Variants in DRC11 observed in about 807,000 individuals in gnomAD.
DRC11 encodes IQ and AAA domain-containing protein 1.
At chr2:236,497,417 T>A in the DRC11 span, 1 of 1,613,858 alleles carries the variant, frequency 6.2e-7, no homozygotes, top group Non-Finnish European at 8.5e-7. The surrounding 1 kb of genome is among the most constrained non-coding windows in gnomAD (Gnocchi z 5.1). Context: ...GGTTCAATCA[T>A]CTTCTGAGGC....
At chr2:236,387,055 T>C in the DRC11 span, among the ~76,000 whole-genome samples, 14 of 152,058 alleles carry the variant, frequency 9.2e-5, no homozygotes, top group East Asian at 5.8e-4. Flanking sequence ...TGTTCTTTTA[T>C]GTTCGCTGAG....
the DRC11 span, among the ~76,000 whole-genome samples, chr2:236,366,529 C>T: frequency 6.6e-6 from 1 of 152,216 alleles, no homozygotes; most frequent in Non-Finnish European, 1.5e-5. Flanking sequence ...AGAACAAATG[C>T]CCCAGCCAGC....
the DRC11 span, among the ~76,000 whole-genome samples, chr2:236,315,719 T>C: frequency 2.6e-4 from 39 of 152,272 alleles, no homozygotes; most frequent in African/African-American, 8.9e-4. This position sits in a 1 kb window ranked among gnomAD's most constrained non-coding sequence, Gnocchi z 5.1. Flanking sequence ...TGGATGAAGC[T>C]GGAAGCCATT....
the DRC11 span, among the ~76,000 whole-genome samples, chr2:236,459,624 C>CGTATATACGTATATACGTATATACGTAT: frequency 1.2e-5 from 1 of 82,648 alleles, no homozygotes; most frequent in Non-Finnish European, 2.8e-5. Context: ...TAAGTATATA[C>CGTATATACGTATATACGTATATACGTAT]ATACGTATAT....
chr2:236,432,808 G>A, the DRC11 span, among the ~76,000 whole-genome samples: 1 of 151,856 alleles, frequency 6.6e-6, no homozygotes, highest in Non-Finnish European at 1.5e-5. Flanking sequence ...ATGATTTCTG[G>A]GTTTGTATCA....
At chr2:236,380,181 T>C in the DRC11 span, among the ~76,000 whole-genome samples, 1 of 152,214 alleles carries the variant, frequency 6.6e-6, no homozygotes, top group African/African-American at 2.4e-5. This position sits in a 1 kb window ranked among gnomAD's most constrained non-coding sequence, Gnocchi z 4.9. Flanking sequence ...CTCACTGCTC[T>C]CATTCCTTCC....
At chr2:236,495,718 C>T in the DRC11 span, among the ~76,000 whole-genome samples, 1 of 152,168 alleles carries the variant, frequency 6.6e-6, no homozygotes, top group Non-Finnish European at 1.5e-5. This position sits in a 1 kb window ranked among gnomAD's most constrained non-coding sequence, Gnocchi z 5.6. Context: ...AATGAAGATG[C>T]CTTCAGCCCA....
chr2:236,408,946 C>A, the DRC11 span: 2 of 700,790 alleles, frequency 2.9e-6, no homozygotes, highest in Admixed American at 1.9e-5. The surrounding 1 kb of genome is among the most constrained non-coding windows in gnomAD (Gnocchi z 5.5). Context: ...CCCAGGAAGG[C>A]TGCGAAGTGG....
At chr2:236,343,743 T>C in the DRC11 span, 2 of 1,304,168 alleles carry the variant, frequency 1.5e-6, no homozygotes, top group East Asian at 5.5e-5. The surrounding 1 kb of genome is among the most constrained non-coding windows in gnomAD (Gnocchi z 6.6). Context: ...ATGCAGCAAC[T>C]TCGCCAGCAG....
the DRC11 span, among the ~76,000 whole-genome samples, chr2:236,431,909 T>C: frequency 2.0e-5 from 3 of 152,214 alleles, no homozygotes; most frequent in Non-Finnish European, 4.4e-5. The surrounding 1 kb of genome is among the most constrained non-coding windows in gnomAD (Gnocchi z 4.2). Context: ...ACAAATGTTT[T>C]TGTGTGGATA....
the DRC11 span, among the ~76,000 whole-genome samples, chr2:236,426,985 G>A: frequency 1.3e-5 from 2 of 152,154 alleles, no homozygotes; most frequent in Non-Finnish European, 2.9e-5. The surrounding 1 kb of genome is among the most constrained non-coding windows in gnomAD (Gnocchi z 4.1). Flanking sequence ...TTTTTATTAT[G>A]AAAGAGTTTT....
chr2:236,322,635 TGA>T, the DRC11 span, among the ~76,000 whole-genome samples: 166 of 152,290 alleles, frequency 1.1e-3, no homozygotes, highest in African/African-American at 3.9e-3. Flanking sequence ...GGGAAAAGGC[TGA>T]GTGAGGCCCT....
At chr2:236,325,948 GTT>G in the DRC11 span, among the ~76,000 whole-genome samples, 1 of 152,210 alleles carries the variant, frequency 6.6e-6, no homozygotes, top group Non-Finnish European at 1.5e-5. The surrounding 1 kb of genome is among the most constrained non-coding windows in gnomAD (Gnocchi z 4.4). Context: ...TTGTATGCCA[GTT>G]TAGCTGGATA....
the DRC11 span, among the ~76,000 whole-genome samples, chr2:236,463,034 A>G: frequency 6.6e-6 from 1 of 152,172 alleles, no homozygotes; most frequent in East Asian, 1.9e-4. The surrounding 1 kb of genome is among the most constrained non-coding windows in gnomAD (Gnocchi z 5.0). Flanking sequence ...TGGGAGTCTG[A>G]GAACGATGGT....
At chr2:236,376,065 C>T in the DRC11 span, among the ~76,000 whole-genome samples, 1 of 152,232 alleles carries the variant, frequency 6.6e-6, no homozygotes, top group Non-Finnish European at 1.5e-5. The surrounding 1 kb of genome is among the most constrained non-coding windows in gnomAD (Gnocchi z 5.7). Context: ...ACCTAAGCCA[C>T]AGGATTAAAC....
chr2:236,338,171 C>T, the DRC11 span: 3 of 1,598,486 alleles, frequency 1.9e-6, no homozygotes, highest in African/African-American at 2.7e-5. Flanking sequence ...CCAGCCTCAG[C>T]TATCATGCAT....
the DRC11 span, among the ~76,000 whole-genome samples, chr2:236,426,720 A>G: frequency 6.6e-6 from 1 of 152,092 alleles, no homozygotes. The surrounding 1 kb of genome is among the most constrained non-coding windows in gnomAD (Gnocchi z 4.1). Flanking sequence ...GGATTTTTCT[A>G]TATGCAAGAT....
chr2:236,434,924 C>G, the DRC11 span, among the ~76,000 whole-genome samples: 1 of 152,124 alleles, frequency 6.6e-6, no homozygotes, highest in South Asian at 2.1e-4. This position sits in a 1 kb window ranked among gnomAD's most constrained non-coding sequence, Gnocchi z 5.5. Flanking sequence ...AACCCCAAAT[C>G]AAAATGACAA....
At chr2:236,467,424 T>G in the DRC11 span, among the ~76,000 whole-genome samples, 1 of 152,256 alleles carries the variant, frequency 6.6e-6, no homozygotes, top group South Asian at 2.1e-4. Flanking sequence ...TAGCTTTATC[T>G]TCCAGAAACA....
Sources: allele counts gnomAD v4.1 joint callset (sites outside exome capture counted in the v4.1 genomes callset), GRCh38; gene constraint gnomAD v4.1.1; non-coding constraint Gnocchi (gnomAD v3.1); transcripts MANE v1.5; gene names NCBI Gene and HGNC (gene_info 2026-07-23, HGNC 2026-07-21).